Variants in MED13L observed in about 807,000 individuals in gnomAD.
The protein encoded by MED13L is mediator complex subunit 13L.
Under a neutral mutation model 220.9 loss-of-function variants are expected in MED13L, and 7 were observed. That is an observed-to-expected ratio of 0.03 (90% CI 0.02 to 0.06). The LOEUF is 0.06. Among genes scored for constraint, MED13L ranks in the 10% least tolerant of loss-of-function variants. The pLI is 1.00. For missense variants in MED13L, 1,965 were observed against 2,760.5 expected, an observed-to-expected ratio of 0.71 and a Z score of 6.46; for synonymous variants, 1,011 against 1,015.2, an observed-to-expected ratio of 1.00 and a Z score of 0.08.
In MED13L at chr12:116,001,304, C is replaced by T. The variant is rs914678985; in HGVS notation, c.2569+1699G>A. ...CTCCGCCTCCTGGGTTCAAGTGATT[C>T]TCCTGCCTCAGCCTCCCGAGTAGCT... On this transcript the variant is annotated intron_variant, in intron 14 of 30. Coordinates refer to ENST00000281928, the MANE Select transcript of MED13L (RefSeq NM_015335.5). 2.0e-5 allele frequency among the ~76,000 whole-genome samples: 3 copies of T among 152,266 alleles called. No individual in the cohort carries two copies. The South Asian group carries it at 6.2e-4, about 32-fold the overall frequency.
chr12:116,030,786 G>A (rs746732584), intron 4 of MED13L, among the ~76,000 whole-genome samples: 5 of 151,932 alleles, frequency 3.3e-5, no homozygotes, highest in African/African-American at 7.3e-5. Flanking sequence ...ACTTTATGCC[G>A]ATAAATCTGA....
intron 1 of MED13L, 184 bp downstream of exon 1, chr12:116,276,876 G>A: frequency 4.1e-6 from 4 of 969,740 alleles, no homozygotes; most frequent in South Asian, 1.5e-5. Flanking sequence ...AATAAACACT[G>A]GATGGGATCC....
chr12:116,032,299 C>T (rs544123147), intron 4 of MED13L, among the ~76,000 whole-genome samples: 51 of 152,118 alleles, frequency 3.4e-4, no homozygotes, highest in Admixed American at 5.9e-4. Flanking sequence ...GAATAGCCAA[C>T]CCAATTTTAA....
intron 2 of MED13L, among the ~76,000 whole-genome samples, chr12:116,128,906 T>C (rs562183370): frequency 1.3e-5 from 2 of 152,196 alleles, no homozygotes; most frequent in South Asian, 4.2e-4. Context: ...TCTACAAAGG[T>C]TGAGGAATCT....
At chr12:116,096,611 G>A (rs915193122) in intron 4 of MED13L, 58 bp downstream of exon 4, 2 of 1,250,704 alleles carry the variant, frequency 1.6e-6, no homozygotes, top group Admixed American at 1.7e-5. Context: ...TCAATAAGCT[G>A]TTCACCCACC....
At chr12:116,238,156 A>C (rs1184689805) in intron 1 of MED13L, among the ~76,000 whole-genome samples, 1 of 152,198 alleles carries the variant, frequency 6.6e-6, no homozygotes, top group African/African-American at 2.4e-5. Context: ...GTCCTTTTTT[A>C]ATTAGGGAAG....
At chr12:116,222,045 T>C (rs971245698) in intron 2 of MED13L, among the ~76,000 whole-genome samples, 2 of 152,124 alleles carry the variant, frequency 1.3e-5, no homozygotes, top group African/African-American at 4.8e-5. Flanking sequence ...TTTATACAGG[T>C]AGAAAGTATG....
intron 2 of MED13L, among the ~76,000 whole-genome samples, chr12:116,186,555 T>G (rs183391112): frequency 1.3e-5 from 2 of 152,138 alleles, no homozygotes; most frequent in African/African-American, 2.4e-5. Flanking sequence ...AATCCTGAGG[T>G]AGGCATGTGA....
chr12:116,090,764 T>C lies in MED13L; in HGVS notation c.479+5905A>G, dbSNP rs549358834. 3.9e-5 allele frequency among the ~76,000 whole-genome samples: 6 copies of C among 152,260 alleles called. No individual in the cohort carries two copies. In the East Asian group the frequency reaches 9.7e-4, roughly 24 times the overall value. Reference sequence around the variant, plus strand: ...AGATTTGTTTTGAGCTTAGTTTCAGTTATTTAGCAGGAATTTAAAAAGGAA... The same window carrying C: ...AGATTTGTTTTGAGCTTAGTTTCAGCTATTTAGCAGGAATTTAAAAAGGAA... On this transcript the variant is annotated intron_variant, in intron 4 of 30. Transcript: ENST00000281928.
At chr12:116,098,646 T>C (rs1366642968) in intron 3 of MED13L, among the ~76,000 whole-genome samples, 1 of 152,180 alleles carries the variant, frequency 6.6e-6, no homozygotes, top group African/African-American at 2.4e-5. Flanking sequence ...AGAACCAATG[T>C]ACCAAAAAGT....
chr12:116,145,450 G>C (rs1224943395), intron 2 of MED13L, among the ~76,000 whole-genome samples: 1 of 152,078 alleles, frequency 6.6e-6, no homozygotes, highest in Non-Finnish European at 1.5e-5. Context: ...CTATACAGTT[G>C]TTAAAATAAA....
At position 116,009,403 on chromosome 12, in the gene MED13L, A is replaced by C. The variant is rs191114099; in HGVS notation, c.1281-271T>G. On this transcript the variant is annotated intron_variant, in intron 9 of 30. Transcript: ENST00000281928. ...CAAATCACTGATTCAAAAAAACCCA[A>C]ATCTTTTAGATTTGGTGAGGGCCTC... is the stretch of plus-strand genomic sequence containing the variant. Among the ~76,000 whole-genome samples the C allele has an allele frequency of 1.8e-4, 28 of 152,242 alleles. No individual in the cohort carries two copies. The East Asian group carries it at 5.2e-3, about 28-fold the overall frequency.
chr12:116,158,884 C>T (rs1400839280), intron 2 of MED13L, among the ~76,000 whole-genome samples: 1 of 152,164 alleles, frequency 6.6e-6, no homozygotes, highest in African/African-American at 2.4e-5. Context: ...AGTAACCTCA[C>T]GTGACTAGTG....
chr12:115,984,865 G>T (rs1233767007), intron 19 of MED13L, among the ~76,000 whole-genome samples: 2 of 150,522 alleles, frequency 1.3e-5, no homozygotes, highest in African/African-American at 4.9e-5. Context: ...TATGCTGATC[G>T]CCTTTTTTTT....
At chr12:116,170,412 G>A (rs550902695) in intron 2 of MED13L, among the ~76,000 whole-genome samples, 5 of 152,088 alleles carry the variant, frequency 3.3e-5, no homozygotes, top group Admixed American at 1.3e-4. Context: ...TAGTTTATCA[G>A]TCATTCTCTC....
chr12:116,150,015 C>A (rs1199798761), intron 2 of MED13L, among the ~76,000 whole-genome samples: 1 of 152,054 alleles, frequency 6.6e-6, no homozygotes, highest in Non-Finnish European at 1.5e-5. Context: ...AAATTCATTT[C>A]TCTGGAAGTG....
At chr12:115,995,947 T>C (rs554414526) in intron 16 of MED13L, among the ~76,000 whole-genome samples, 58 of 152,234 alleles carry the variant, frequency 3.8e-4, no homozygotes, top group African/African-American at 1.3e-3. Flanking sequence ...CCTGAGTAAA[T>C]CCACTGTAAG....
At chr12:116,140,504 T>C (rs747220990) in intron 2 of MED13L, among the ~76,000 whole-genome samples, 3 of 152,156 alleles carry the variant, frequency 2.0e-5, no homozygotes, top group Non-Finnish European at 2.9e-5. Context: ...CCCACACACA[T>C]ATATAGATAC....
At position 115,983,490 on chromosome 12, in the gene MED13L, T is replaced by C; in HGVS notation, c.4582A>G (p.Lys1528Glu). 2 of 1,614,144 alleles carry C rather than the reference T, an allele frequency of 1.2e-6. No homozygotes were observed. Among genetic ancestry groups the C allele is most frequent in the Non-Finnish European group, 8.5e-7 (1 of 1,180,010 alleles). The change falls in exon 21 of 31, where the codon AAA becomes GAA. Residue 1528 changes from lysine (K) to glutamate (E), a missense_variant. Around this residue, in one of 10 missense-constraint regions of MED13L, gnomAD observed 510 missense variants for 620.4 expected, o/e 0.82. Transcript: ENST00000281928. ...GCTGCTGCTGGTGGGGTCTGGTATTTAGGTGGTATCAATAGGCTGCTATCA... is the reference window on the plus strand; with the variant it reads ...GCTGCTGCTGGTGGGGTCTGGTATTCAGGTGGTATCAATAGGCTGCTATCA... ...QLDSSLLIPP[K>E]YQTPPAAAQG...
Sources: allele counts gnomAD v4.1 joint callset (sites outside exome capture counted in the v4.1 genomes callset), GRCh38; gene constraint gnomAD v4.1.1; regional missense constraint gnomAD v4.1.1; transcripts MANE v1.5; gene names NCBI Gene and HGNC (gene_info 2026-07-23, HGNC 2026-07-21).